TSPAN11: variants seen among roughly 807,000 people sequenced by gnomAD.
TSPAN11 encodes tetraspanin 11, also known as tetraspanin-11.
TSPAN11 carries 29 observed loss-of-function variants against 32.9 expected under a neutral mutation model. The observed-to-expected ratio is 0.88, with a 90% confidence interval of 0.66 to 1.20. The LOEUF is 1.20. Among genes scored for constraint, TSPAN11 ranks in the 50% most tolerant of loss-of-function variants. The probability of loss-of-function intolerance (pLI) is 0.00; values close to 1 mark genes in which losing one functional copy is unlikely to be tolerated. For synonymous variants in TSPAN11, 140 were observed against 141.3 expected (o/e 0.99, Z 0.07); for missense variants, 283 against 329.1 (o/e 0.86, Z 1.08).
At chr12:31,010,314 C>T in the TSPAN11 span, among the ~76,000 whole-genome samples, 246 of 152,276 alleles carry the variant, frequency 1.6e-3, no homozygotes, top group Non-Finnish European at 3.0e-3. Flanking sequence ...TAAACAGAGA[C>T]GGAGAAGATG....
At chr12:30,969,502 C>T (rs1938804744) in intron 3 of TSPAN11, among the ~76,000 whole-genome samples, 1 of 152,200 alleles carries the variant, frequency 6.6e-6, no homozygotes, top group Non-Finnish European at 1.5e-5. Context: ...GACCTCAGAA[C>T]CCTGAAGGCT....
At chr12:30,962,051 T>G (rs1938623301) in intron 2 of TSPAN11, among the ~76,000 whole-genome samples, 1 of 152,100 alleles carries the variant, frequency 6.6e-6, no homozygotes, top group Admixed American at 6.5e-5. Context: ...TATTGTTTTT[T>G]GTACCACTAA....
rs1208643746 is a variant in TSPAN11 at position 30,979,454 on chromosome 12, C to T, written c.352-112C>T. The T allele has an allele frequency of 1.2e-5, 11 of 944,284 alleles. No homozygotes were observed. In the Admixed American group the frequency reaches 1.5e-4, roughly 13 times the overall value. The allele number at this position is 944,284 out of a possible 1,614,324, so 58.5% of individuals were successfully genotyped here. ...TTGAGAAACCTCCGCATCACACCAT[C>T]CACAGTCCGCAGTGTTCTAGAATTA... On this transcript the variant is annotated intron_variant, in intron 4 of 7. Transcript: ENST00000546076.
intron 5 of TSPAN11, 134 bp from the exon 6 acceptor site, chr12:30,982,398 T>G: frequency 7.7e-7 from 1 of 1,297,484 alleles, no homozygotes; most frequent in South Asian, 1.6e-5. Flanking sequence ...GGAAAACACA[T>G]TATACAAATA....
At chr12:30,945,916 G>A (rs1202663641) in intron 1 of TSPAN11, among the ~76,000 whole-genome samples, 2 of 152,178 alleles carry the variant, frequency 1.3e-5, no homozygotes, top group East Asian at 3.9e-4. Context: ...CAGCCTGGAA[G>A]AAGGCCCGCT....
At chr12:30,928,428 T>A (rs1295251878) in intron 1 of TSPAN11, among the ~76,000 whole-genome samples, 1 of 152,116 alleles carries the variant, frequency 6.6e-6, no homozygotes, top group African/African-American at 2.4e-5. Context: ...TGGGTTACAG[T>A]GCCTTCAGAC....
rs534008523 is a variant in TSPAN11, at chr12:30,994,423, G to A, written c.*2508G>A. ...CCCTGCACACCAGGGCCCTAGGAAA[G>A]CAGCATCAGGTGCTGGGATCCCACC... On this transcript the variant is annotated 3_prime_UTR_variant, in exon 8 of 8. Transcript: ENST00000546076. 6.6e-6 allele frequency: 1 copy of A among 152,356 alleles called. No homozygotes were observed. The highest frequency in any genetic ancestry group is 2.1e-4 in the South Asian group (1 of 4,830). 9.4% of individuals were successfully genotyped at this position (152,356 alleles called of 1,614,324 possible).
intron 4 of TSPAN11, 106 bp downstream of exon 4, chr12:30,978,741 C>T (rs192836904): frequency 2.0e-5 from 24 of 1,182,590 alleles, no homozygotes; most frequent in East Asian, 4.7e-5. Flanking sequence ...GGCACAAGGG[C>T]GGTCCTGTTT....
chr12:30,982,824 G>A (rs1939121683), intron 6 of TSPAN11, 134 bp downstream of exon 6: 3 of 1,326,876 alleles, frequency 2.3e-6, no homozygotes, highest in East Asian at 2.5e-5. Context: ...CGAGCCCACA[G>A]TGTCTGGGGC....
At chr12:30,971,580 T>G (rs1938851603) in intron 3 of TSPAN11, among the ~76,000 whole-genome samples, 1 of 151,904 alleles carries the variant, frequency 6.6e-6, no homozygotes, top group Admixed American at 6.6e-5. Flanking sequence ...TCTCTACAAA[T>G]AAATAAATAA....
chr12:30,976,415 T>C (rs1174241133), intron 3 of TSPAN11, among the ~76,000 whole-genome samples: 4 of 152,182 alleles, frequency 2.6e-5, no homozygotes, highest in African/African-American at 7.2e-5. Context: ...AGAGCCAGCA[T>C]GTGGTGGAGC....
At chr12:30,959,124 C>T (rs1490730677) in intron 2 of TSPAN11, among the ~76,000 whole-genome samples, 1 of 152,164 alleles carries the variant, frequency 6.6e-6, no homozygotes, top group Non-Finnish European at 1.5e-5. Context: ...CAGCCCTCTA[C>T]AGAGCCTCAT....
intron 1 of TSPAN11, among the ~76,000 whole-genome samples, chr12:30,952,163 A>G (rs1419594969): frequency 6.6e-6 from 1 of 152,180 alleles, no homozygotes; most frequent in African/African-American, 2.4e-5. Flanking sequence ...TGCTGCAAGT[A>G]GAGAGAAAGC....
At chr12:30,969,387 C>T (rs1229170814) in intron 3 of TSPAN11, among the ~76,000 whole-genome samples, 1 of 152,228 alleles carries the variant, frequency 6.6e-6, no homozygotes, top group African/African-American at 2.4e-5. Flanking sequence ...CAGCTGCCCC[C>T]ACCATTCTAT....
the TSPAN11 span, among the ~76,000 whole-genome samples, chr12:31,014,704 G>A: frequency 6.6e-5 from 10 of 152,274 alleles, no homozygotes; most frequent in East Asian, 1.5e-3. Context: ...CAGAACAAGG[G>A]AGTCTGACAG....
intron 2 of TSPAN11, among the ~76,000 whole-genome samples, chr12:30,956,479 C>T (rs1938479717): frequency 1.3e-5 from 2 of 152,170 alleles, no homozygotes; most frequent in South Asian, 4.2e-4. Context: ...ATCTTCACCT[C>T]CACCTGAACG....
At chr12:30,940,153 C>T (rs930878473) in intron 1 of TSPAN11, among the ~76,000 whole-genome samples, 3 of 152,178 alleles carry the variant, frequency 2.0e-5, no homozygotes, top group African/African-American at 7.2e-5. Context: ...AGGTGCATGC[C>T]ATAGAAGCAA....
At chr12:30,971,103 G>C (rs759790676) in intron 3 of TSPAN11, among the ~76,000 whole-genome samples, 4 of 152,142 alleles carry the variant, frequency 2.6e-5, no homozygotes, top group Non-Finnish European at 4.4e-5. Context: ...TTCTTTGGCT[G>C]TTGATGCCCT....
At chr12:30,976,194 C>T (rs1309136860) in intron 3 of TSPAN11, among the ~76,000 whole-genome samples, 1 of 152,102 alleles carries the variant, frequency 6.6e-6, no homozygotes, top group Non-Finnish European at 1.5e-5. Flanking sequence ...TGACAGGGAC[C>T]GTACCCCTCA....
Sources: allele counts gnomAD v4.1 joint callset (sites outside exome capture counted in the v4.1 genomes callset), GRCh38; gene constraint gnomAD v4.1.1; transcripts MANE v1.5; gene names NCBI Gene and HGNC (gene_info 2026-07-23, HGNC 2026-07-21).